The following MTMR12 variants were observed in gnomAD, a reference collection of about 807,000 sequenced individuals.
MTMR12 encodes the protein myotubularin-related protein 12.
A neutral mutation model predicts 96.7 loss-of-function variants in MTMR12; 33 were observed. That is an observed-to-expected ratio of 0.34 (90% CI 0.26 to 0.46). The LOEUF (loss-of-function observed/expected upper bound fraction) is 0.46. Among genes scored for constraint, MTMR12 ranks in the 20% least tolerant of loss-of-function variants. The pLI is 1.00. For synonymous variants in MTMR12, 298 were observed against 327.2 expected (o/e 0.91, Z 0.96); for missense variants, 721 against 896.1 (o/e 0.80, Z 2.49).
At chr5:32,271,812 C>T in intron 4 of MTMR12, 21 bp downstream of exon 4, 1 of 1,480,846 alleles carries the variant, frequency 6.8e-7, no homozygotes, top group Non-Finnish European at 9.2e-7. Flanking sequence ...GCCAACACCC[C>T]AGGGAAAAAC....
At chr5:32,246,170 G>GT (rs113738556) in intron 10 of MTMR12, among the ~76,000 whole-genome samples, 7,631 of 82,612 alleles carry the variant, frequency 0.092, 676 homozygotes, top group African/African-American at 0.27. Context: ...TGAGTAGACA[G>GT]TTTTTTTTTT....
intron 13 of MTMR12, among the ~76,000 whole-genome samples, chr5:32,238,076 A>G (rs1748307399): frequency 7.0e-6 from 1 of 143,392 alleles, no homozygotes; most frequent in African/African-American, 2.6e-5. Context: ...CCCAGGAGGC[A>G]GAGGCTGCAG....
At chr5:32,230,581 G>C (rs1431619823) in intron 15 of MTMR12, among the ~76,000 whole-genome samples, 2 of 152,228 alleles carry the variant, frequency 1.3e-5, no homozygotes, top group Non-Finnish European at 2.9e-5. Context: ...GCACGTGGCA[G>C]CTGTGCAGAA....
chr5:32,249,714 G>C (rs1748840933), intron 8 of MTMR12, among the ~76,000 whole-genome samples: 1 of 152,186 alleles, frequency 6.6e-6, no homozygotes, highest in Non-Finnish European at 1.5e-5. Flanking sequence ...TTTGGCAATA[G>C]GTTAAGGTGT....
intron 1 of MTMR12, among the ~76,000 whole-genome samples, chr5:32,300,220 G>A (rs1322849675): frequency 6.6e-6 from 1 of 152,168 alleles, no homozygotes. Context: ...AATAATAACA[G>A]CACCTAGCAG....
chr5:32,278,591 T>C (rs1473910656), intron 1 of MTMR12, among the ~76,000 whole-genome samples: 2 of 152,096 alleles, frequency 1.3e-5, no homozygotes, highest in Non-Finnish European at 2.9e-5. Context: ...TGAGGCAGTG[T>C]GGTCAGATCA....
At chr5:32,295,537 T>C (rs990194033) in intron 1 of MTMR12, among the ~76,000 whole-genome samples, 3 of 152,234 alleles carry the variant, frequency 2.0e-5, no homozygotes, top group African/African-American at 7.2e-5. Flanking sequence ...ACTCAACCTG[T>C]ATTCATTTCA....
At chr5:32,298,687 G>A (rs531034672) in intron 1 of MTMR12, among the ~76,000 whole-genome samples, 3 of 152,124 alleles carry the variant, frequency 2.0e-5, no homozygotes, top group South Asian at 4.1e-4. Context: ...AGTGGCTCAC[G>A]CCTGTAATCC....
At chr5:32,280,464 C>G (rs868115995) in intron 1 of MTMR12, among the ~76,000 whole-genome samples, 32 of 152,248 alleles carry the variant, frequency 2.1e-4, no homozygotes, top group African/African-American at 7.2e-4. Context: ...AGAATGAACA[C>G]TTAATACTCA....
intron 1 of MTMR12, among the ~76,000 whole-genome samples, chr5:32,283,773 A>T (rs1750403717): frequency 1.3e-5 from 2 of 152,196 alleles, no homozygotes; most frequent in South Asian, 4.1e-4. Context: ...CAACAACAAA[A>T]GACACCTACA....
chr5:32,295,305 A>G (rs1048043458), intron 1 of MTMR12, among the ~76,000 whole-genome samples: 1 of 152,264 alleles, frequency 6.6e-6, no homozygotes, highest in Non-Finnish European at 1.5e-5. Context: ...CCAAGAGAAC[A>G]GCATCTGAAG....
intron 15 of MTMR12, chr5:32,232,927 G>C (rs1748056966): frequency 1.0e-6 from 1 of 971,278 alleles, no homozygotes; most frequent in African/African-American, 1.8e-5. Context: ...GGATGGCATG[G>C]AGAAGGCAGT....
chr5:32,253,042 G>A (rs942276358), intron 8 of MTMR12, among the ~76,000 whole-genome samples: 3 of 152,166 alleles, frequency 2.0e-5, no homozygotes, highest in Non-Finnish European at 2.9e-5. Context: ...CTAAAGCAGG[G>A]GTTTTCAACC....
chr5:32,308,508 C>G lies in MTMR12; in HGVS notation c.81+4250G>C, dbSNP rs201957237. ...GGCTCTCAGAAGCACATAAGCCATGCCTCGATGTTGCTCACCTGCATTTCC... is the reference window on the plus strand; with the variant it reads ...GGCTCTCAGAAGCACATAAGCCATGGCTCGATGTTGCTCACCTGCATTTCC... On this transcript the variant is annotated intron_variant, in intron 1 of 15. Transcript: ENST00000382142. Among the ~76,000 whole-genome samples, 18 of 152,204 alleles carry G rather than the reference C, an allele frequency of 1.2e-4. No homozygotes were observed. The East Asian group carries it at 1.3e-3, about 11-fold the overall frequency.
rs1218217386 is a variant in MTMR12 at position 32,227,102 on chromosome 5, A to T, written c.*2676T>A. 1 of 152,706 alleles carries T rather than the reference A, an allele frequency of 6.5e-6. No homozygotes were observed. Among genetic ancestry groups the T allele is most frequent in the African/African-American group, 2.4e-5 (1 of 41,476 alleles). The allele number at this position is 152,706 out of a possible 1,614,324, so 9.5% of individuals were successfully genotyped here. Reference sequence around the variant, plus strand: ...TGTGCATCCAGAAAATAAAAAGCACAAGTATACAGGTTTAGCTCAACAGCT... The same window carrying T: ...TGTGCATCCAGAAAATAAAAAGCACTAGTATACAGGTTTAGCTCAACAGCT... On this transcript the variant is annotated 3_prime_UTR_variant, in exon 16 of 16. Transcript: ENST00000382142.
chr5:32,262,060 A>G (rs1306220476), intron 7 of MTMR12, among the ~76,000 whole-genome samples: 1 of 152,064 alleles, frequency 6.6e-6, no homozygotes, highest in East Asian at 1.9e-4. Context: ...GGACAGAGAG[A>G]GACCCCATCT....
At position 32,233,473 on chromosome 5, in the gene MTMR12, A is replaced by AACACACACAC. The variant is rs752327449; in HGVS notation, c.1674+290_1674+299dup. The stretch of plus-strand genomic sequence containing the variant: ...CTCTACTAACACACACACACACACA[A>AACACACACAC]ACACACACACACACACACACACACA... On this transcript the variant is annotated intron_variant, in intron 15 of 15. Coordinates refer to ENST00000382142, the MANE Select transcript of MTMR12 (RefSeq NM_001040446.3). The surrounding 1 kb of genome is among the most constrained non-coding windows in gnomAD (Gnocchi z 5.0). Among the ~76,000 whole-genome samples the AACACACACAC allele has an allele frequency of 6.7e-5, 4 of 59,934 alleles. No homozygotes were observed. Among genetic ancestry groups the AACACACACAC allele is most frequent in the African/African-American group, 1.4e-4 (3 of 21,724 alleles). 39.3% of individuals were successfully genotyped at this position (59,934 alleles called of 152,430 possible).
intron 1 of MTMR12, among the ~76,000 whole-genome samples, chr5:32,309,335 G>C (rs972278949): frequency 2.0e-5 from 3 of 152,120 alleles, no homozygotes; most frequent in South Asian, 2.1e-4. Flanking sequence ...TACCCGACAA[G>C]CATAGGCAAC....
Position 32,229,855 on chromosome 5 carries a change from T to C in MTMR12, c.2167A>G (p.Ser723Gly), listed in dbSNP as rs1747920748. The C allele has an allele frequency of 1.2e-6, 2 of 1,604,716 alleles. No individual in the cohort carries two copies. Among genetic ancestry groups the C allele is most frequent in the Non-Finnish European group, 1.7e-6 (2 of 1,175,546 alleles). Residue 723 changes from serine (S) to glycine (G), a missense_variant, in exon 16 of 16, where the codon AGT becomes GGT. Physicochemically the swap from Ser to Gly is moderately conservative, Grantham distance 56 (BLOSUM62 0). Transcript: ENST00000382142. ...RHSSKPVLPT[S>G]GWKALGDEDD... ...TCATCTCCCAAAGCTTTCCAGCCAC[T>C]GGTGGGTAAGACGGGCTTAGAGGAA...
Sources: allele counts gnomAD v4.1 joint callset (sites outside exome capture counted in the v4.1 genomes callset), GRCh38; gene constraint gnomAD v4.1.1; non-coding constraint Gnocchi (gnomAD v3.1); transcripts MANE v1.5; gene names NCBI Gene and HGNC (gene_info 2026-07-23, HGNC 2026-07-21).